GRM8: variants seen among roughly 807,000 people sequenced by gnomAD.
GRM8 encodes the protein metabotropic glutamate receptor 8.
GRM8 carries 47 observed loss-of-function variants against 87.2 expected under a neutral mutation model. The observed-to-expected ratio is 0.54, with a 90% CI of 0.43 to 0.69. The LOEUF (loss-of-function observed/expected upper bound fraction) is 0.69, where lower values mean the gene tolerates loss of function less well. GRM8 is among the 30% of genes least tolerant of loss of function. The pLI, the probability that GRM8 is intolerant of heterozygous loss-of-function variation, is 0.00. For synonymous variants in GRM8, 396 were observed against 404.5 expected (o/e 0.98, Z 0.25); for missense variants, 1,019 against 1,139.2 (o/e 0.89, Z 1.52).
chr7:126,653,300 C>CAAA (rs35546815), intron 7 of GRM8, among the ~76,000 whole-genome samples: 15 of 109,050 alleles, frequency 1.4e-4, no homozygotes, highest in African/African-American at 4.8e-4. Context: ...ATCCTGTCTC[C>CAAA]AAAAAAAAAA....
intron 3 of GRM8, among the ~76,000 whole-genome samples, chr7:126,930,659 A>G (rs1805669411): frequency 6.6e-6 from 1 of 152,176 alleles, no homozygotes; most frequent in Non-Finnish European, 1.5e-5. Context: ...TTTCATGGCC[A>G]CTTTTCCTTC....
At chr7:126,788,789 TA>T (rs71522228) in intron 6 of GRM8, among the ~76,000 whole-genome samples, 55,148 of 140,882 alleles carry the variant, frequency 0.39, 11,166 homozygotes, top group Non-Finnish European at 0.47. Context: ...TCTGGTCAGT[TA>T]AAAAAAAAAA....
chr7:126,821,721 G>A (rs1231000296), intron 6 of GRM8, among the ~76,000 whole-genome samples: 1 of 152,006 alleles, frequency 6.6e-6, no homozygotes, highest in Non-Finnish European at 1.5e-5. Flanking sequence ...CCTTATCCTG[G>A]TTCCCCTAAA....
chr7:127,212,431 T>TTC (rs1796271933), intron 2 of GRM8, among the ~76,000 whole-genome samples: 1 of 147,532 alleles, frequency 6.8e-6, no homozygotes, highest in Admixed American at 6.7e-5. Context: ...TTTTTTTTTT[T>TTC]TTTTGAGACG....
At chr7:127,042,510 G>A (rs954050755) in intron 3 of GRM8, among the ~76,000 whole-genome samples, 1 of 152,098 alleles carries the variant, frequency 6.6e-6, no homozygotes, top group African/African-American at 2.4e-5. Context: ...CAAGAAATGG[G>A]GAAACAATTC....
At chr7:127,102,550 C>G (rs1439262427) in intron 3 of GRM8, among the ~76,000 whole-genome samples, 1 of 152,206 alleles carries the variant, frequency 6.6e-6, no homozygotes, top group Non-Finnish European at 1.5e-5. Flanking sequence ...AGCCTTGGCT[C>G]AGAGGGCCCC....
chr7:126,580,129 G>A (rs1221094936), intron 8 of GRM8, among the ~76,000 whole-genome samples: 2 of 152,010 alleles, frequency 1.3e-5, no homozygotes, highest in African/African-American at 4.8e-5. Flanking sequence ...TTCTCTGAGG[G>A]CCATCTTTTT....
At chr7:127,153,050 A>T (rs1792505626) in intron 2 of GRM8, among the ~76,000 whole-genome samples, 1 of 152,116 alleles carries the variant, frequency 6.6e-6, no homozygotes, top group South Asian at 2.1e-4. Flanking sequence ...CATTAGTCAC[A>T]AGACCATAAC....
chr7:126,910,120 G>C (rs549571957), intron 3 of GRM8, among the ~76,000 whole-genome samples: 13 of 152,142 alleles, frequency 8.5e-5, no homozygotes, highest in African/African-American at 2.6e-4. Context: ...AATCTATGCA[G>C]ATTATAGAAG....
At position 126,790,669 on chromosome 7, in the gene GRM8, G is replaced by C. The variant is rs142652423; in HGVS notation, c.1157-20604C>G. Among the ~76,000 whole-genome samples, 7 of 152,222 alleles carry C rather than the reference G, an allele frequency of 4.6e-5. No individual in the cohort carries two copies. The East Asian group carries it at 1.4e-3, about 29-fold the overall frequency. On this transcript the variant is annotated intron_variant, in intron 6 of 10. Transcript: ENST00000339582. Reference sequence around the variant, plus strand: ...TACGGTCGTGCCAAGGCAGTCAGAGGGTGAAGAAGTTTTTGCCAAGTCAGA... The same window carrying C: ...TACGGTCGTGCCAAGGCAGTCAGAGCGTGAAGAAGTTTTTGCCAAGTCAGA...
chr7:126,606,653 C>A (rs1408191386), intron 8 of GRM8, among the ~76,000 whole-genome samples: 1 of 152,134 alleles, frequency 6.6e-6, no homozygotes, highest in Non-Finnish European at 1.5e-5. Flanking sequence ...CTCCACAGTG[C>A]AATTTATTGT....
At chr7:127,238,897 T>A (rs1352025159) in intron 2 of GRM8, among the ~76,000 whole-genome samples, 1 of 152,172 alleles carries the variant, frequency 6.6e-6, no homozygotes, top group Non-Finnish European at 1.5e-5. Context: ...GATGCCAGCA[T>A]CTCCTTTGCA....
chr7:126,913,629 T>G (rs1803543570), intron 3 of GRM8, among the ~76,000 whole-genome samples: 1 of 152,232 alleles, frequency 6.6e-6, no homozygotes, highest in Non-Finnish European at 1.5e-5. Flanking sequence ...TTAGCATCAT[T>G]TATATTTCCA....
intron 7 of GRM8, among the ~76,000 whole-genome samples, chr7:126,666,721 A>C (rs761558227): frequency 2.0e-5 from 3 of 152,198 alleles, no homozygotes; most frequent in Non-Finnish European, 4.4e-5. Context: ...AATAGTAACA[A>C]CACAGATTTG....
At chr7:127,139,729 A>T in intron 2 of GRM8, among the ~76,000 whole-genome samples, 1 of 152,154 alleles carries the variant, frequency 6.6e-6, no homozygotes, top group Admixed American at 6.6e-5. Context: ...GTAGACCAAG[A>T]CTGGGCAGTA....
At chr7:127,157,803 G>A (rs534737643) in intron 2 of GRM8, among the ~76,000 whole-genome samples, 39 of 152,070 alleles carry the variant, frequency 2.6e-4, no homozygotes, top group African/African-American at 8.9e-4. Flanking sequence ...ACATTCACAC[G>A]CAAAACAATA....
chr7:126,528,657 T>C (rs1393920727), intron 9 of GRM8, among the ~76,000 whole-genome samples: 2 of 151,824 alleles, frequency 1.3e-5, no homozygotes, highest in Non-Finnish European at 2.9e-5. Context: ...TTTGTATTTA[T>C]TTTAAATAAT....
At chr7:126,603,657 C>G (rs1176392026) in intron 8 of GRM8, among the ~76,000 whole-genome samples, 1 of 152,066 alleles carries the variant, frequency 6.6e-6, no homozygotes, top group Non-Finnish European at 1.5e-5. Flanking sequence ...GGAATTGACT[C>G]ACACTTATGC....
At chr7:126,466,943 T>G (rs1386400529) in intron 9 of GRM8, among the ~76,000 whole-genome samples, 2 of 151,970 alleles carry the variant, frequency 1.3e-5, no homozygotes, top group African/African-American at 2.4e-5. Context: ...ACATACTGCA[T>G]TGGTTTTGAA....
Sources: allele counts gnomAD v4.1 joint callset (sites outside exome capture counted in the v4.1 genomes callset), GRCh38; gene constraint gnomAD v4.1.1; transcripts MANE v1.5; gene names NCBI Gene and HGNC (gene_info 2026-07-23, HGNC 2026-07-21).